The following CLEC16A variants were observed in gnomAD, a reference collection of about 807,000 sequenced individuals.
CLEC16A encodes the protein protein CLEC16A.
Under a neutral mutation model 109.5 loss-of-function variants are expected in CLEC16A, and 51 were observed. The observed-to-expected ratio is 0.47, with a 90% CI of 0.37 to 0.59. CLEC16A has a LOEUF of 0.59. CLEC16A is among the 20% of genes least tolerant of loss of function. The pLI is 0.00. For synonymous variants in CLEC16A, 673 were observed against 564.2 expected, an observed-to-expected ratio of 1.19 and a Z score of -2.73; for missense variants, 1,339 against 1,394.0, an observed-to-expected ratio of 0.96 and a Z score of 0.63.
chr16:11,037,116 C>T (rs369989944), intron 13 of CLEC16A, among the ~76,000 whole-genome samples: 99 of 152,266 alleles, frequency 6.5e-4, no homozygotes, highest in African/African-American at 1.9e-3. Context: ...AAGTTCCTCC[C>T]GCACCCCACC....
intron 10 of CLEC16A, among the ~76,000 whole-genome samples, chr16:11,002,674 A>G: frequency 6.6e-6 from 1 of 151,682 alleles, no homozygotes; most frequent in East Asian, 1.9e-4. Context: ...TCCCAGTCTC[A>G]TTGTCCATCA....
intron 19 of CLEC16A, among the ~76,000 whole-genome samples, chr16:11,066,139 G>T (rs779890577): frequency 6.6e-6 from 1 of 152,036 alleles, no homozygotes; most frequent in Admixed American, 6.6e-5. Context: ...TGAGTCTCCC[G>T]GCACTTCAGT....
Position 11,060,941 on chromosome 16 carries a change from C to G in CLEC16A, c.2035C>G (p.Gln679Glu). ...VFFMLRSLSL[Q>E]LRGEPETQLP... ...CTTCATGCTGCGTTCCCTGTCACTG[C>G]AATTGCGAGGGGAGCCTGAGACACA... The change falls in exon 19 of 24, where the codon CAA becomes GAA. Residue 679 changes from glutamine to glutamate, a missense_variant. Transcript: ENST00000409790. 6.2e-7 allele frequency: 1 copy of G among 1,612,680 alleles called. No homozygotes were observed. The highest frequency in any genetic ancestry group is 8.5e-7 in the Non-Finnish European group (1 of 1,179,438).
chr16:10,979,473 C>T lies in CLEC16A; in HGVS notation c.957+91C>T. On this transcript the variant is annotated intron_variant, in intron 9 of 23. Coordinates refer to ENST00000409790, the MANE Select transcript of CLEC16A (RefSeq NM_015226.3). ...AGAAAATCCCCAGGCCTTATCACCC[C>T]ATCTTCTCTGTCCCCCCCATGCTGG... 7 of 1,119,322 alleles carry T rather than the reference C, an allele frequency of 6.3e-6. No homozygotes were observed. In the South Asian group the frequency reaches 6.7e-5, roughly 11 times the overall value. 69.3% of individuals were successfully genotyped at this position (1,119,322 alleles called of 1,614,324 possible).
chr16:11,101,889 C>A (rs2050938166), intron 19 of CLEC16A, among the ~76,000 whole-genome samples: 1 of 151,560 alleles, frequency 6.6e-6, no homozygotes, highest in Admixed American at 6.6e-5. Flanking sequence ...GTAGCTTTGA[C>A]CTCCCTAGGC....
chr16:10,995,568 G>A (rs192444371), intron 10 of CLEC16A, among the ~76,000 whole-genome samples: 30 of 152,286 alleles, frequency 2.0e-4, no homozygotes, highest in Admixed American at 9.2e-4. Context: ...TTCCATCCTC[G>A]TGATCTATTT....
chr16:11,159,581 C>T lies in CLEC16A; in HGVS notation c.2642-6807C>T, dbSNP rs551697421. On this transcript the variant is annotated intron_variant, in intron 22 of 23. Transcript: ENST00000409790. ...ATGTTTGAAAAGGGCTGTCATAGGG[C>T]GTTATCTTTGAGGAATGAGGTTCCA... Among the ~76,000 whole-genome samples, 9 of 152,334 alleles carry T rather than the reference C, an allele frequency of 5.9e-5. No homozygotes were observed. In the South Asian group the frequency reaches 1.2e-3, roughly 21 times the overall value.
chr16:10,959,151 G>A (rs750946699), intron 2 of CLEC16A, among the ~76,000 whole-genome samples: 1 of 152,036 alleles, frequency 6.6e-6, no homozygotes, highest in Non-Finnish European at 1.5e-5. Context: ...CGAATAAGAA[G>A]GATATTACCT....
At chr16:11,042,194 T>C in intron 14 of CLEC16A, 60 bp from the exon 15 acceptor site, 3 of 1,300,258 alleles carry the variant, frequency 2.3e-6, no homozygotes, top group Non-Finnish European at 3.3e-6. Context: ...TAGGCAGCAG[T>C]CTTGGGTTTA....
intron 13 of CLEC16A, chr16:11,027,486 C>G: frequency 6.3e-7 from 1 of 1,583,614 alleles, no homozygotes; most frequent in Non-Finnish European, 8.6e-7. Context: ...CATTTTGAAA[C>G]GTGGACAAGC....
At chr16:11,135,952 C>T (rs1213338479) in intron 22 of CLEC16A, 4 of 152,342 alleles carry the variant, frequency 2.6e-5, no homozygotes, top group African/African-American at 9.6e-5. Flanking sequence ...GACTGGAAGA[C>T]ACCAAGAAAA....
In CLEC16A at chr16:10,990,623, G is replaced by T. The variant is rs79610091; in HGVS notation, c.1071+7632G>T. On this transcript the variant is annotated intron_variant, in intron 10 of 23. Transcript: ENST00000409790. Reference sequence around the variant, plus strand: ...GTGGGCACAGTGGGCAGGGATGGGAGCAGGAGGCAGATGGGGAAGAAGCCT... The same window carrying T: ...GTGGGCACAGTGGGCAGGGATGGGATCAGGAGGCAGATGGGGAAGAAGCCT... Among the ~76,000 whole-genome samples, 1,309 of 152,340 alleles carry T rather than the reference G, an allele frequency of 8.6e-3. 18 individuals are homozygous for T. Among genetic ancestry groups the T allele is most frequent in the African/African-American group, 0.029 (1,202 of 41,576 alleles).
intron 22 of CLEC16A, among the ~76,000 whole-genome samples, chr16:11,163,636 T>G (rs1399387253): frequency 6.6e-6 from 1 of 152,252 alleles, no homozygotes; most frequent in East Asian, 1.9e-4. Flanking sequence ...CCACTGCAGA[T>G]GTCTTTTGAT....
At chr16:11,177,165 A>G (rs78907686) in intron 23 of CLEC16A, among the ~76,000 whole-genome samples, 30 of 152,180 alleles carry the variant, frequency 2.0e-4, no homozygotes, top group Non-Finnish European at 3.4e-4. Context: ...CAGGATGCCC[A>G]CTGTCTTCTT....
intron 22 of CLEC16A, among the ~76,000 whole-genome samples, chr16:11,152,820 C>G (rs537608924): frequency 2.4e-4 from 37 of 152,260 alleles, no homozygotes; most frequent in African/African-American, 7.9e-4. Context: ...TCCCCTGTGT[C>G]AAAGGGGAAG....
rs1567428385 is a variant in CLEC16A at position 11,179,532 on chromosome 16, T to C, written c.*842T>C. On this transcript the variant is annotated 3_prime_UTR_variant, in exon 24 of 24. Coordinates refer to ENST00000409790, the MANE Select transcript of CLEC16A (RefSeq NM_015226.3). ...AAGATTTCTCCAGGAAAAGGAGGAA[T>C]GTAGCCAGCTCCCCACTCAGGACGC... The C allele has an allele frequency of 1.3e-5, 2 of 152,212 alleles. No homozygotes were observed. Among genetic ancestry groups the C allele is most frequent in the Non-Finnish European group, 2.9e-5 (2 of 68,058 alleles). 9.4% of individuals were successfully genotyped at this position (152,212 alleles called of 1,614,324 possible).
At chr16:11,025,907 C>T (rs1355127633) in intron 13 of CLEC16A, among the ~76,000 whole-genome samples, 1 of 152,202 alleles carries the variant, frequency 6.6e-6, no homozygotes, top group African/African-American at 2.4e-5. Context: ...GATAGCCAAA[C>T]AAACCCAAGT....
chr16:11,165,921 C>A (rs977318022), intron 22 of CLEC16A, among the ~76,000 whole-genome samples: 1 of 152,122 alleles, frequency 6.6e-6, no homozygotes, highest in East Asian at 1.9e-4. Context: ...GGGCACTGTC[C>A]TCCTGCCCGG....
intron 22 of CLEC16A, among the ~76,000 whole-genome samples, chr16:11,165,383 TC>T (rs2068215229): frequency 6.6e-6 from 1 of 151,680 alleles, no homozygotes; most frequent in Non-Finnish European, 1.5e-5. Flanking sequence ...TCCCAGCTGC[TC>T]AAGAGGCTGA....
Sources: allele counts gnomAD v4.1 joint callset (sites outside exome capture counted in the v4.1 genomes callset), GRCh38; gene constraint gnomAD v4.1.1; transcripts MANE v1.5; gene names NCBI Gene and HGNC (gene_info 2026-07-23, HGNC 2026-07-21).